The following TMEM267 variants were observed in gnomAD, a reference collection of about 807,000 sequenced individuals.
TMEM267 encodes transmembrane protein 267.
In TMEM267, 20 loss-of-function variants were observed where a neutral mutation model predicts 19.3. The ratio of observed to expected loss-of-function variants is 1.04; its 90% confidence interval spans 0.73 to 1.51. The LOEUF is 1.51. Ranked by LOEUF, TMEM267 falls within the 40% of genes most tolerant of loss-of-function variation. The pLI is 0.00. For synonymous variants in TMEM267, 88 were observed against 90.3 expected (o/e 0.97, Z 0.15); for missense variants, 242 against 261.9 (o/e 0.92, Z 0.52).
intron 1 of TMEM267, among the ~76,000 whole-genome samples, chr5:43,482,716 T>G (rs1744860095): frequency 6.6e-6 from 1 of 152,250 alleles, no homozygotes; most frequent in Non-Finnish European, 1.5e-5. Flanking sequence ...GAAGCCATTT[T>G]CTGCAATGGC....
intron 1 of TMEM267, among the ~76,000 whole-genome samples, chr5:43,460,097 G>A (rs544840794): frequency 2.8e-4 from 43 of 152,310 alleles, no homozygotes; most frequent in Non-Finnish European, 4.7e-4. Flanking sequence ...ACTCGCATGT[G>A]CAGTTCACAA....
At chr5:43,475,427 T>C (rs1322252544) in intron 1 of TMEM267, among the ~76,000 whole-genome samples, 1 of 152,104 alleles carries the variant, frequency 6.6e-6, no homozygotes, top group Non-Finnish European at 1.5e-5. Flanking sequence ...CTAATGTAGA[T>C]GACAGGTTGA....
At chr5:43,479,993 T>C in intron 1 of TMEM267, 2 of 361,780 alleles carry the variant, frequency 5.5e-6, no homozygotes, top group Non-Finnish European at 1.1e-5. Flanking sequence ...AACACCTGAA[T>C]GGATAAAGAA....
rs540668761 is a variant in TMEM267, at chr5:43,473,163, A to G, written c.-75+10659T>C. ...ACAAAAAAAAAAAAAAAAAAAAAAT[A>G]GAAAGAATGAGTAAGACCTAGTACT... On this transcript the variant is annotated intron_variant, in intron 1 of 2. Coordinates refer to ENST00000397080, the MANE Select transcript of TMEM267 (RefSeq NM_022483.5). Among the ~76,000 whole-genome samples, 271 of 149,628 alleles carry G rather than the reference A, an allele frequency of 1.8e-3. 2 individuals carry two copies. Among genetic ancestry groups the G allele is most frequent in the Middle Eastern group, 6.8e-3 (2 of 292 alleles).
chr5:43,464,277 T>A (rs903102513), intron 1 of TMEM267, among the ~76,000 whole-genome samples: 9 of 151,896 alleles, frequency 5.9e-5, no homozygotes, highest in African/African-American at 1.7e-4. Flanking sequence ...CAAGGAGAAC[T>A]ACAAACCACT....
chr5:43,477,625 A>G (rs1365422915), intron 1 of TMEM267, among the ~76,000 whole-genome samples: 1 of 150,428 alleles, frequency 6.6e-6, no homozygotes, highest in Admixed American at 6.6e-5. Context: ...ACACCAGACA[A>G]CTGGTCCGAT....
chr5:43,448,213 G>C (rs554554728), intron 2 of TMEM267, among the ~76,000 whole-genome samples: 1 of 151,852 alleles, frequency 6.6e-6, no homozygotes, highest in Non-Finnish European at 1.5e-5. Flanking sequence ...TTTATTTTAC[G>C]CTCCTCTTTC....
chr5:43,472,676 G>A (rs1022537385), intron 1 of TMEM267, among the ~76,000 whole-genome samples: 11 of 152,068 alleles, frequency 7.2e-5, no homozygotes, highest in African/African-American at 2.7e-4. Flanking sequence ...TTTGCTAAGT[G>A]AAATAAGCCA....
chr5:43,469,675 T>C (rs1743948258), intron 1 of TMEM267, among the ~76,000 whole-genome samples: 1 of 152,168 alleles, frequency 6.6e-6, no homozygotes, highest in Non-Finnish European at 1.5e-5. Flanking sequence ...GGAAAATAAA[T>C]CTCGGGACCC....
At chr5:43,476,559 G>A (rs908071813) in intron 1 of TMEM267, among the ~76,000 whole-genome samples, 15 of 125,834 alleles carry the variant, frequency 1.2e-4, no homozygotes, top group Admixed American at 3.6e-4. Flanking sequence ...CAACACTGAT[G>A]GTGTTATTCT....
chr5:43,457,281 C>T (rs1414672211), intron 1 of TMEM267, among the ~76,000 whole-genome samples: 1 of 152,164 alleles, frequency 6.6e-6, no homozygotes, highest in Non-Finnish European at 1.5e-5. Context: ...CAAAGGGCAT[C>T]TATAAGAATT....
chr5:43,458,599 C>A (rs1273133643), intron 1 of TMEM267, among the ~76,000 whole-genome samples: 1 of 152,072 alleles, frequency 6.6e-6, no homozygotes, highest in Non-Finnish European at 1.5e-5. Context: ...GGTGATAGTT[C>A]CATGGTTCAC....
At position 43,446,164 on chromosome 5, in the gene TMEM267, T is replaced by A. The variant is rs1001939334; in HGVS notation, c.*58A>T. 24 of 1,044,168 alleles carry A rather than the reference T, an allele frequency of 2.3e-5. No individual in the cohort carries two copies. Among genetic ancestry groups the A allele is most frequent in the Non-Finnish European group, 3.4e-5 (24 of 705,322 alleles). The allele number at this position is 1,044,168 out of a possible 1,614,324, so 64.7% of individuals were successfully genotyped here. A position where few individuals can be genotyped will look rare whatever the true frequency, so the allele number is the denominator to read the frequency against. On this transcript the variant is annotated 3_prime_UTR_variant, in exon 3 of 3. Coordinates refer to ENST00000397080, the MANE Select transcript of TMEM267 (RefSeq NM_022483.5). ...TATTTTTAAAAATTAACTTTAATGT[T>A]GGCTACTCTTAATTATCATCATCTG...
At chr5:43,457,130 T>A (rs1167766657) in intron 1 of TMEM267, among the ~76,000 whole-genome samples, 1 of 152,190 alleles carries the variant, frequency 6.6e-6, no homozygotes, top group Non-Finnish European at 1.5e-5. Context: ...TTAAAACCCA[T>A]AGAACTGTGC....
chr5:43,472,445 T>C (rs547230231), intron 1 of TMEM267, among the ~76,000 whole-genome samples: 1 of 152,268 alleles, frequency 6.6e-6, no homozygotes, highest in East Asian at 1.9e-4. Context: ...GCTGGGTATA[T>C]ACCGAAAAGA....
intron 1 of TMEM267, among the ~76,000 whole-genome samples, chr5:43,455,995 C>T (rs1054188539): frequency 8.2e-4 from 118 of 143,640 alleles, no homozygotes; most frequent in African/African-American, 2.4e-3. Context: ...GTCACCATGC[C>T]TTTTTTTTTT....
intron 1 of TMEM267, among the ~76,000 whole-genome samples, chr5:43,477,509 G>T (rs1056867118): frequency 2.0e-5 from 3 of 150,076 alleles, no homozygotes; most frequent in Admixed American, 6.7e-5. Flanking sequence ...CAGAAGAATC[G>T]CTTGAACCCA....
intron 1 of TMEM267, among the ~76,000 whole-genome samples, chr5:43,481,911 C>T (rs1262345578): frequency 2.6e-5 from 4 of 152,168 alleles, no homozygotes; most frequent in African/African-American, 9.6e-5. Flanking sequence ...GGCATGATCT[C>T]GGCTCACTGC....
chr5:43,468,702 AAG>A (rs369670173), intron 1 of TMEM267, among the ~76,000 whole-genome samples: 5 of 152,338 alleles, frequency 3.3e-5, no homozygotes, highest in African/African-American at 1.2e-4. Context: ...CGGGGTTCAC[AAG>A]ACTTAATCTG....
Sources: gnomAD v4.1 joint callset for allele counts (sites outside exome capture counted in the v4.1 genomes callset) on GRCh38, gnomAD v4.1.1 for gene constraint, MANE v1.5 for transcripts, NCBI Gene and HGNC (gene_info 2026-07-23, HGNC 2026-07-21) for gene names.